The following TTF2 variants were observed in gnomAD, a reference collection of about 807,000 sequenced individuals.
The protein encoded by TTF2 is transcription termination factor 2.
TTF2 carries 108 observed loss-of-function variants against 142.4 expected under a neutral mutation model. The observed-to-expected ratio is 0.76, with a 90% CI of 0.65 to 0.89. TTF2 has a LOEUF of 0.89. Among genes scored for constraint, TTF2 ranks in the 40% least tolerant of loss-of-function variants. The probability of loss-of-function intolerance (pLI) is 0.00; values close to 1 mark genes in which losing one functional copy is unlikely to be tolerated. For synonymous variants in TTF2, 483 were observed against 506.2 expected (o/e 0.95, Z 0.61); for missense variants, 1,327 against 1,379.8 (o/e 0.96, Z 0.61).
intron 3 of TTF2, among the ~76,000 whole-genome samples, chr1:117,072,584 C>T (rs370515627): frequency 5.3e-5 from 8 of 151,888 alleles, no homozygotes; most frequent in African/African-American, 1.5e-4. Context: ...GCCACCACGC[C>T]GGGCTAATTT....
Position 117,076,078 on chromosome 1 carries a change from G to T in TTF2, c.1276-102G>T. 1 of 1,331,184 alleles carries T rather than the reference G, an allele frequency of 7.5e-7. No individual in the cohort carries two copies. Among genetic ancestry groups the T allele is most frequent in the South Asian group, 1.4e-5 (1 of 69,764 alleles). The allele number at this position is 1,331,184 out of a possible 1,614,324, so 82.5% of individuals were successfully genotyped here. On this transcript the variant is annotated intron_variant, in intron 5 of 22. Transcript: ENST00000369466. This position sits in a 1 kb window ranked among gnomAD's most constrained non-coding sequence, Gnocchi z 4.6. Reference sequence around the variant, plus strand: ...CTGGTTTTTGCACACATATTTAAAAGACCATAATTTCAGAGTTTGGGTGTT... The same window carrying T: ...CTGGTTTTTGCACACATATTTAAAATACCATAATTTCAGAGTTTGGGTGTT...
chr1:117,062,590 A>C lies in TTF2; in HGVS notation c.218+117A>C. On this transcript the variant is annotated intron_variant, in intron 3 of 22. Transcript: ENST00000369466. ...TTTAAAAGTCATTTTAAAAAACAAA[A>C]TTTGTATATGTATTAAGTGTCTTTT... 3 of 884,336 alleles carry C rather than the reference A, an allele frequency of 3.4e-6. 1 individual carries two copies. The South Asian group carries it at 5.9e-5, about 17-fold the overall frequency. 54.8% of individuals were successfully genotyped at this position (884,336 alleles called of 1,614,324 possible).
At chr1:117,081,712 G>A in intron 9 of TTF2, 116 bp from the exon 10 acceptor site, 1 of 1,270,072 alleles carries the variant, frequency 7.9e-7, no homozygotes, top group Non-Finnish European at 1.1e-6. Flanking sequence ...AGTAGTGACG[G>A]AGTGGCACTG....
At chr1:117,068,285 A>G (rs1656306307) in intron 3 of TTF2, among the ~76,000 whole-genome samples, 2 of 152,196 alleles carry the variant, frequency 1.3e-5, no homozygotes, top group Non-Finnish European at 2.9e-5. Context: ...TGAGCAAACT[A>G]TCACAAGGAC....
intron 12 of TTF2, among the ~76,000 whole-genome samples, chr1:117,088,421 C>T (rs1364627899): frequency 6.6e-5 from 10 of 152,066 alleles, no homozygotes; most frequent in African/African-American, 1.9e-4. Flanking sequence ...CCTGTGGTCC[C>T]GGCTGCTCGG....
At position 117,074,890 on chromosome 1, in the gene TTF2, T is replaced by G. The variant is rs546475453; in HGVS notation, c.306T>G (p.His102Gln). The G allele has an allele frequency of 2.9e-4, 462 of 1,591,076 alleles. 11 individuals are homozygous for G. The South Asian group carries it at 5.2e-3, about 18-fold the overall frequency. The change falls in exon 5 of 23, where the codon CAT becomes CAG. Residue 102 changes from histidine to glutamine, a missense_variant. Transcript: ENST00000369466. ...IPWQDPDSKE[H>Q]SVSNKSQHAS... The stretch of plus-strand genomic sequence containing the variant: ...TTTAGGATCCTGATTCCAAAGAACA[T>G]TCTGTATCCAATAAGTCTCAGCATG...
At position 117,106,874 on chromosome 1, in the gene TTF2, A is replaced by AT. The variant is rs1280253142; in HGVS notation, c.*5353dup. On this transcript the variant is annotated 3_prime_UTR_variant, in exon 23 of 23. Transcript: ENST00000369466. ...TGGAGGAAAGTTGAGCAACTATTGC[A>AT]TTTGGGACATTAGAGTATGGGTGGG... 6.6e-6 allele frequency: 1 copy of AT among 152,254 alleles called. No homozygotes were observed. Among genetic ancestry groups the AT allele is most frequent in the Non-Finnish European group, 1.5e-5 (1 of 68,050 alleles). The allele number at this position is 152,254 out of a possible 1,614,324, so 9.4% of individuals were successfully genotyped here.
Position 117,097,339 on chromosome 1 carries a change from T to G in TTF2, c.3187-12T>G. ...AGTCTGTTTAAAGTTAATGTTGTGT[T>G]TCCTTTTGAAGGTAATGCTAATCTC... On this transcript the variant is annotated splice_polypyrimidine_tract_variant and intron_variant, in intron 20 of 22. Transcript: ENST00000369466. This position sits in a 1 kb window ranked among gnomAD's most constrained non-coding sequence, Gnocchi z 4.1. 1 of 1,613,898 alleles carries G rather than the reference T, an allele frequency of 6.2e-7. No homozygotes were observed. The highest frequency in any genetic ancestry group is 8.5e-7 in the Non-Finnish European group (1 of 1,179,744).
At position 117,063,934 on chromosome 1, in the gene TTF2, C is replaced by T. The variant is rs1655882598; in HGVS notation, c.218+1461C>T. Among the ~76,000 whole-genome samples the T allele has an allele frequency of 6.6e-6, 1 of 152,084 alleles. No individual in the cohort carries two copies. On this transcript the variant is annotated intron_variant, in intron 3 of 22. Transcript: ENST00000369466. This position sits in a 1 kb window ranked among gnomAD's most constrained non-coding sequence, Gnocchi z 4.1. ...TTATCCTGTCGAGTCATGTATCTAC[C>T]ACTACAGTCAAGGTACTGAAGAGTT...
chr1:117,092,619 A>G lies in TTF2; in HGVS notation c.2806-112A>G, dbSNP rs1648688510. 8.1e-7 allele frequency: 1 copy of G among 1,236,282 alleles called. No individual in the cohort carries two copies. Among genetic ancestry groups the G allele is most frequent in the African/African-American group, 1.5e-5 (1 of 65,754 alleles). The allele number at this position is 1,236,282 out of a possible 1,614,324, so 76.6% of individuals were successfully genotyped here. Reference sequence around the variant, plus strand: ...GTGTCTTGAGGAGTTACTGATGACAAATTACAAGATATTTTGCTCTGTGAA... The same window carrying G: ...GTGTCTTGAGGAGTTACTGATGACAGATTACAAGATATTTTGCTCTGTGAA... On this transcript the variant is annotated intron_variant, in intron 17 of 22. Coordinates refer to ENST00000369466, the MANE Select transcript of TTF2 (RefSeq NM_003594.4). This position sits in a 1 kb window ranked among gnomAD's most constrained non-coding sequence, Gnocchi z 4.4.
chr1:117,095,328 A>C lies in TTF2; in HGVS notation c.2996A>C (p.Glu999Ala). 3 of 1,614,174 alleles carry C rather than the reference A, an allele frequency of 1.9e-6. No homozygotes were observed. The highest frequency in any genetic ancestry group is 2.5e-6 in the Non-Finnish European group (3 of 1,180,010). ...ESTKISSLLA[E>A]LEAIQRNSAS... Reference sequence around the variant, plus strand: ...TCCCAGATTTCATCTCTGTTGGCAGAATTGGAGGCAATTCAAAGAAATTCA... The same window carrying C: ...TCCCAGATTTCATCTCTGTTGGCAGCATTGGAGGCAATTCAAAGAAATTCA... The change falls in exon 19 of 23, where the codon GAA (glutamate) becomes GCA (alanine). Residue 999 changes from glutamate (E) to alanine (A), a missense_variant. Glu to Ala is a moderately radical substitution (Grantham distance 107, BLOSUM62 -1). Coordinates refer to ENST00000369466, the MANE Select transcript of TTF2 (RefSeq NM_003594.4).
At position 117,105,188 on chromosome 1, in the gene TTF2, T is replaced by G. The variant is rs1177776765; in HGVS notation, c.*3664T>G. On this transcript the variant is annotated 3_prime_UTR_variant, in exon 23 of 23. Transcript: ENST00000369466. The surrounding 1 kb of genome is among the most constrained non-coding windows in gnomAD (Gnocchi z 4.7). ...CTAGTGTTATTGCTGTGGGACAAGG[T>G]CTGGGAATATGAGAACCAGCAGCAG... The G allele has an allele frequency of 6.6e-6, 1 of 152,138 alleles. No homozygotes were observed. Among genetic ancestry groups the G allele is most frequent in the Non-Finnish European group, 1.5e-5 (1 of 68,028 alleles). The allele number at this position is 152,138 out of a possible 1,614,324, so 9.4% of individuals were successfully genotyped here.
intron 15 of TTF2, 136 bp from the exon 16 acceptor site, chr1:117,091,192 T>TAAG: frequency 1.7e-6 from 1 of 593,304 alleles, no homozygotes; most frequent in Admixed American, 3.3e-5. Flanking sequence ...TTGCATTACC[T>TAAG]TTGGCCATTG....
At position 117,092,432 on chromosome 1, in the gene TTF2, G is replaced by T. The variant is rs1648676152; in HGVS notation, c.2806-299G>T. Among the ~76,000 whole-genome samples the T allele has an allele frequency of 1.3e-5, 2 of 152,070 alleles. No individual in the cohort carries two copies. The highest frequency in any genetic ancestry group is 4.8e-5 in the African/African-American group (2 of 41,410). Reference sequence around the variant, plus strand: ...TAAGAGGAGTATTCTATTCATTTAAGGAGCTGTAATAATGTATTCTGATTA... The same window carrying T: ...TAAGAGGAGTATTCTATTCATTTAATGAGCTGTAATAATGTATTCTGATTA... On this transcript the variant is annotated intron_variant, in intron 17 of 22. Coordinates refer to ENST00000369466, the MANE Select transcript of TTF2 (RefSeq NM_003594.4). The surrounding 1 kb of genome is among the most constrained non-coding windows in gnomAD (Gnocchi z 4.4).
chr1:117,073,747 T>G lies in TTF2; in HGVS notation c.285+20T>G. On this transcript the variant is annotated intron_variant, in intron 4 of 22. Transcript: ENST00000369466. The surrounding 1 kb of genome is among the most constrained non-coding windows in gnomAD (Gnocchi z 4.4). ...TGGCAGGTAGGAATTATTCATCTGT[T>G]TTCAAACCTGCTGTGTTAAGACTTT... 1.9e-6 allele frequency: 3 copies of G among 1,609,508 alleles called. No homozygotes were observed. Among genetic ancestry groups the G allele is most frequent in the Non-Finnish European group, 2.5e-6 (3 of 1,176,558 alleles).
chr1:117,060,519 G>T lies in TTF2; in HGVS notation c.93G>T (p.Val31=), dbSNP rs1655576061. 1.2e-6 allele frequency: 2 copies of T among 1,613,888 alleles called. No homozygotes were observed. The highest frequency in any genetic ancestry group is 1.3e-5 in the African/African-American group (1 of 74,934). Residue 31 remains valine, a synonymous_variant, in exon 2 of 23, where the codon GTG becomes GTT. Coordinates refer to ENST00000369466, the MANE Select transcript of TTF2 (RefSeq NM_003594.4). ...DGPNKGKSFY[V]CRADTCSFVR... is the part of the protein sequence containing the mutation. ...CGAATAAAGGAAAGAGCTTCTACGT[G>T]TGCCGGGCAGACACGTGCAGCTTCG... is the stretch of plus-strand genomic sequence containing the variant.
Position 117,088,863 on chromosome 1 carries a change from TGTTAA to T in TTF2, c.2225_2229del (p.Val742GlufsTer12). On this transcript the variant is annotated frameshift_variant, in exon 13 of 23. Transcript: ENST00000369466. LOFTEE classifies it high-confidence loss of function. The stretch of plus-strand genomic sequence containing the variant: ...GAATCATATTGGATGAAGCTCACAA[TGTTAA>T]GAATCCCCGAGTGCAGACTTCCATA... The T allele has an allele frequency of 6.2e-7, 1 of 1,614,210 alleles. No individual in the cohort carries two copies. The highest frequency in any genetic ancestry group is 1.6e-4 in the Middle Eastern group (1 of 6,062).
At position 117,101,348 on chromosome 1, in the gene TTF2, T is replaced by C. The variant is rs1486681846; in HGVS notation, c.3345-32T>C. 6.4e-7 allele frequency: 1 copy of C among 1,555,602 alleles called. No individual in the cohort carries two copies. The highest frequency in any genetic ancestry group is 1.4e-5 in the African/African-American group (1 of 72,300). On this transcript the variant is annotated intron_variant, in intron 22 of 22. Transcript: ENST00000369466. This position sits in a 1 kb window ranked among gnomAD's most constrained non-coding sequence, Gnocchi z 5.9. Reference sequence around the variant, plus strand: ...TAGATGTGCTGCTTAGGGTTTTTGATAGTTTGCTTATTTTTTGTTTTTGTT... The same window carrying C: ...TAGATGTGCTGCTTAGGGTTTTTGACAGTTTGCTTATTTTTTGTTTTTGTT...
Position 117,104,808 on chromosome 1 carries a change from G to GT in TTF2, c.*3292dup, listed in dbSNP as rs1217304913. The GT allele has an allele frequency of 8.5e-5, 13 of 152,102 alleles. No individual in the cohort carries two copies. The highest frequency in any genetic ancestry group is 1.9e-4 in the East Asian group (1 of 5,176). 9.4% of individuals were successfully genotyped at this position (152,102 alleles called of 1,614,324 possible). ...CTGGGGGTTAGGCTGGGTTTGTTTG[G>GT]TTTTTTTTGTTTTGTCCTCATGAGG... On this transcript the variant is annotated 3_prime_UTR_variant, in exon 23 of 23. Transcript: ENST00000369466.
Sources: allele counts gnomAD v4.1 joint callset (sites outside exome capture counted in the v4.1 genomes callset), GRCh38; gene constraint gnomAD v4.1.1; non-coding constraint Gnocchi (gnomAD v3.1); transcripts MANE v1.5; gene names NCBI Gene and HGNC (gene_info 2026-07-23, HGNC 2026-07-21).